ITCH: variants seen among roughly 807,000 people sequenced by gnomAD.
ITCH encodes itchy E3 ubiquitin protein ligase.
Under a neutral mutation model 126.8 loss-of-function variants are expected in ITCH, and 28 were observed. The observed-to-expected ratio is 0.22, with a 90% confidence interval of 0.16 to 0.30. The LOEUF (loss-of-function observed/expected upper bound fraction) is 0.30, where lower values mean the gene tolerates loss of function less well. Ranked by LOEUF, ITCH falls within the 10% of genes least tolerant of loss-of-function variation. The pLI, the probability that ITCH is intolerant of heterozygous loss-of-function variation, is 1.00. For missense variants in ITCH, 631 were observed against 1,032.4 expected, an observed-to-expected ratio of 0.61 and a Z score of 5.33; for synonymous variants, 342 against 340.0, an observed-to-expected ratio of 1.01 and a Z score of -0.06.
intron 13 of ITCH, among the ~76,000 whole-genome samples, chr20:34,461,588 G>T (rs1179463171): frequency 6.6e-6 from 1 of 151,928 alleles, no homozygotes; most frequent in African/African-American, 2.4e-5. Flanking sequence ...GGTGGCAGGC[G>T]CCTGTAGTCC....
intron 1 of ITCH, among the ~76,000 whole-genome samples, chr20:34,366,543 T>C (rs2037428667): frequency 6.6e-6 from 1 of 152,114 alleles, no homozygotes; most frequent in African/African-American, 2.4e-5. Context: ...TTAAGTATAA[T>C]GCTAAAAATT....
intron 16 of ITCH, among the ~76,000 whole-genome samples, chr20:34,472,893 C>A (rs1656446391): frequency 6.6e-6 from 1 of 152,194 alleles, no homozygotes; most frequent in Admixed American, 6.5e-5. Context: ...ATTTTATGTT[C>A]ATAACCACCC....
chr20:34,396,695 T>A (rs2038690093), intron 3 of ITCH, among the ~76,000 whole-genome samples: 1 of 152,132 alleles, frequency 6.6e-6, no homozygotes, highest in African/African-American at 2.4e-5. Flanking sequence ...TTTTGGCTTG[T>A]ACTCCTTTGA....
At chr20:34,485,882 G>A (rs967857850) in intron 20 of ITCH, among the ~76,000 whole-genome samples, 4 of 152,054 alleles carry the variant, frequency 2.6e-5, no homozygotes, top group African/African-American at 9.7e-5. Flanking sequence ...GTAGAGATGT[G>A]GTCTTGCTAT....
At chr20:34,470,421 A>AATAT (rs11474698) in intron 15 of ITCH, among the ~76,000 whole-genome samples, 2,360 of 146,880 alleles carry the variant, frequency 0.016, 38 homozygotes, top group African/African-American at 0.051. Flanking sequence ...TACCTCTGTA[A>AATAT]ATATATATAT....
intron 2 of ITCH, among the ~76,000 whole-genome samples, chr20:34,390,421 G>GTA (rs1240880814): frequency 6.7e-6 from 1 of 148,166 alleles, no homozygotes; most frequent in African/African-American, 2.5e-5. Flanking sequence ...GTAATACATG[G>GTA]TATAGAATTG....
At chr20:34,474,597 C>T (rs960906910) in intron 16 of ITCH, among the ~76,000 whole-genome samples, 1 of 152,258 alleles carries the variant, frequency 6.6e-6, no homozygotes, top group African/African-American at 2.4e-5. Context: ...TCCGATTTCT[C>T]AATCCTTTAC....
chr20:34,428,046 C>T (rs1160044757), intron 7 of ITCH, among the ~76,000 whole-genome samples: 1 of 152,188 alleles, frequency 6.6e-6, no homozygotes, highest in Non-Finnish European at 1.5e-5. Context: ...ACAATGTCTT[C>T]TGGGTTTCTG....
chr20:34,408,583 A>G (rs1978487432), intron 3 of ITCH, 68 bp from the exon 4 acceptor site: 3 of 1,403,860 alleles, frequency 2.1e-6, no homozygotes, highest in Non-Finnish European at 3.0e-6. Context: ...CTAATTATGA[A>G]GTTAAATTGA....
chr20:34,420,424 G>T (rs1277261590), intron 6 of ITCH, among the ~76,000 whole-genome samples: 7 of 152,092 alleles, frequency 4.6e-5, no homozygotes, highest in East Asian at 1.9e-4. Context: ...TCTTCTTATG[G>T]CTGTATGATA....
intron 24 of ITCH, among the ~76,000 whole-genome samples, chr20:34,505,522 C>T (rs555829848): frequency 7.9e-5 from 12 of 151,956 alleles, no homozygotes; most frequent in Non-Finnish European, 1.5e-4. Context: ...CTGTTCTGGA[C>T]ATTTCATATA....
chr20:34,500,623 C>T (rs1160410210), intron 23 of ITCH, among the ~76,000 whole-genome samples: 1 of 152,084 alleles, frequency 6.6e-6, no homozygotes, highest in Non-Finnish European at 1.5e-5. Context: ...TAAATCTATT[C>T]AGCCAGTCTA....
chr20:34,443,515 AT>A (rs1468463734), intron 10 of ITCH, among the ~76,000 whole-genome samples: 3 of 152,096 alleles, frequency 2.0e-5, no homozygotes, highest in Non-Finnish European at 2.9e-5. Flanking sequence ...AAAAAAAAAA[AT>A]CATATAAAAT....
chr20:34,381,918 GTTT>G (rs1568867479), intron 2 of ITCH, among the ~76,000 whole-genome samples: 1 of 150,880 alleles, frequency 6.6e-6, no homozygotes, highest in East Asian at 1.9e-4. Flanking sequence ...TTTCTCAATT[GTTT>G]TCTTTAATGA....
At position 34,410,442 on chromosome 20, in the gene ITCH, C is replaced by T. The variant is rs188031961; in HGVS notation, c.212+1650C>T. 1.2e-3 allele frequency among the ~76,000 whole-genome samples: 176 copies of T among 151,494 alleles called. 1 individual carries two copies. The highest frequency in any genetic ancestry group is 0.011 in the Admixed American group (163 of 15,206). The stretch of plus-strand genomic sequence containing the variant: ...TGAGGCCCGTATCATTCGGATGTTC[C>T]TCATCTGTGTTTATTTCAACATAAA... On this transcript the variant is annotated intron_variant, in intron 4 of 24. Coordinates refer to ENST00000374864, the MANE Select transcript of ITCH (RefSeq NM_031483.7).
intron 14 of ITCH, among the ~76,000 whole-genome samples, chr20:34,463,917 A>G (rs1367821097): frequency 1.3e-5 from 2 of 151,644 alleles, no homozygotes; most frequent in African/African-American, 4.8e-5. Flanking sequence ...TTTACTGTAG[A>G]TAGTGCCCTT....
At chr20:34,413,268 A>G (rs1979304812) in intron 5 of ITCH, among the ~76,000 whole-genome samples, 1 of 152,174 alleles carries the variant, frequency 6.6e-6, no homozygotes, top group African/African-American at 2.4e-5. Flanking sequence ...ATGTAGAAAT[A>G]TGTGTAGCTT....
intron 22 of ITCH, among the ~76,000 whole-genome samples, chr20:34,491,929 G>A (rs972628923): frequency 6.6e-6 from 1 of 152,050 alleles, no homozygotes; most frequent in Admixed American, 6.6e-5. Context: ...CAAAAAGTCT[G>A]TACTGACTCA....
At chr20:34,475,134 G>A (rs1988057069) in intron 16 of ITCH, among the ~76,000 whole-genome samples, 1 of 151,574 alleles carries the variant, frequency 6.6e-6, no homozygotes, top group African/African-American at 2.4e-5. Flanking sequence ...TCCTAGATGG[G>A]ATGGCGGCCG....
Sources: allele counts gnomAD v4.1 joint callset (sites outside exome capture counted in the v4.1 genomes callset), GRCh38; gene constraint gnomAD v4.1.1; transcripts MANE v1.5; gene names NCBI Gene and HGNC (gene_info 2026-07-23, HGNC 2026-07-21).